FHIP1B: variants seen among roughly 807,000 people sequenced by gnomAD.
The protein encoded by FHIP1B is FHF complex subunit HOOK interacting protein 1B, also known as FHF complex subunit HOOK-interacting protein 1B.
FHIP1B carries 28 observed loss-of-function variants against 82.2 expected under a neutral mutation model. That is an observed-to-expected ratio of 0.34 (90% CI 0.25 to 0.47). FHIP1B has a LOEUF of 0.47. Among genes scored for constraint, FHIP1B ranks in the 20% least tolerant of loss-of-function variants. The probability of loss-of-function intolerance (pLI) is 1.00; values close to 1 mark genes in which losing one functional copy is unlikely to be tolerated. For synonymous variants in FHIP1B, 585 were observed against 516.1 expected (o/e 1.13, Z -1.81); for missense variants, 1,110 against 1,262.6 (o/e 0.88, Z 1.83).
chr11:6,225,400 G>C (rs1481960772), intron 1 of FHIP1B, among the ~76,000 whole-genome samples: 1 of 152,140 alleles, frequency 6.6e-6, no homozygotes, highest in East Asian at 1.9e-4. Flanking sequence ...TCCCCAGATA[G>C]GCCCTGCCTA....
At position 6,218,990 on chromosome 11, in the gene FHIP1B, G is replaced by A; in HGVS notation, c.1252C>T (p.Leu418=). Residue 418 remains leucine (L), a synonymous_variant, in exon 7 of 12, where the codon CTG becomes TTG. Coordinates refer to ENST00000449352, the MANE Select transcript of FHIP1B (RefSeq NM_001098794.2). ...AGATACCTGAGAACCAGCTGCAGCA[G>A]GACATCCTCACAGCTGAGGTTCAGG... The part of the protein sequence containing the change: ...TLLNLSCEDV[L]LQLVLRYLVP... The A allele has an allele frequency of 6.2e-7, 1 of 1,614,024 alleles. No homozygotes were observed. The highest frequency in any genetic ancestry group is 8.5e-7 in the Non-Finnish European group (1 of 1,179,938).
At chr11:6,219,829 C>A (rs536030989) in intron 6 of FHIP1B, among the ~76,000 whole-genome samples, 19 of 152,210 alleles carry the variant, frequency 1.2e-4, no homozygotes, top group Non-Finnish European at 2.8e-4. Context: ...GGGTCTTGGT[C>A]TAGGGCACTA....
Position 6,223,696 on chromosome 11 carries a change from G to A in FHIP1B, c.691C>T (p.Arg231Cys), listed in dbSNP as rs1417370357. Residue 231 changes from arginine to cysteine, a missense_variant, in exon 3 of 12, where the codon CGT (arginine) becomes TGT (cysteine). Around this residue, in one of 6 missense-constraint regions of FHIP1B, gnomAD observed 467 missense variants for 602.9 expected, o/e 0.77. Transcript: ENST00000449352. The surrounding 1 kb of genome is among the most constrained non-coding windows in gnomAD (Gnocchi z 4.8). ...GCCATGAGAAGAAGTAGGGCATCAC[G>A]GGCCTGCTGGCCCAGGGTGCCCTCT... Reference protein sequence around the residue: ...HREGTLGQQARDALLLLMALS... With the variant: ...HREGTLGQQACDALLLLMALS... 6.8e-6 allele frequency: 11 copies of A among 1,614,166 alleles called. No individual in the cohort carries two copies. Among genetic ancestry groups the A allele is most frequent in the South Asian group, 2.2e-5 (2 of 91,088 alleles).
rs763734161 is a variant in FHIP1B, at chr11:6,224,405, T to C, written c.112A>G (p.Met38Val). ...TGGGACCAGTGATTCTTGAAGACCA[T>C]GAGGCAGGTCTCGGGATCAGCCATG... ...PVMADPETCL[M>V]VFKNHWSQVV... is the part of the protein sequence containing the mutation. The change falls in exon 2 of 12, where the codon ATG becomes GTG. Residue 38 changes from methionine (M) to valine (V), a missense_variant. Around this residue, in one of 6 missense-constraint regions of FHIP1B, gnomAD observed 467 missense variants for 602.9 expected, o/e 0.77. Coordinates refer to ENST00000449352, the MANE Select transcript of FHIP1B (RefSeq NM_001098794.2). The C allele has an allele frequency of 9.9e-6, 16 of 1,614,106 alleles. No individual in the cohort carries two copies. The highest frequency in any genetic ancestry group is 4.4e-5 in the South Asian group (4 of 91,082).
At chr11:6,229,326 G>C (rs1847640282) in intron 1 of FHIP1B, among the ~76,000 whole-genome samples, 1 of 152,150 alleles carries the variant, frequency 6.6e-6, no homozygotes, top group Non-Finnish European at 1.5e-5. Context: ...AGTATTGCTA[G>C]TTTTAAAAAT....
intron 6 of FHIP1B, among the ~76,000 whole-genome samples, chr11:6,219,318 C>G (rs1847342967): frequency 6.6e-6 from 1 of 152,192 alleles, no homozygotes; most frequent in Non-Finnish European, 1.5e-5. Flanking sequence ...GCTATATATA[C>G]CTGGTCAGCA....
chr11:6,214,844 G>C lies in FHIP1B; in HGVS notation c.2283C>G (p.Phe761Leu). The change falls in exon 10 of 12, where the codon TTC becomes TTG. Residue 761 changes from phenylalanine (F) to leucine (L), a missense_variant. By Grantham distance (22) the Phe-to-Leu change is conservative (BLOSUM62 0). This residue lies in a region of FHIP1B where 39 missense variants were observed against 79.6 expected (regional missense o/e 0.49). Coordinates refer to ENST00000449352, the MANE Select transcript of FHIP1B (RefSeq NM_001098794.2). ...GCTGGGCCACCAGCCCCGTCAGCAGGAAGTTGACATAGACGGAGTTCTGCA... is the reference window on the plus strand; with the variant it reads ...GCTGGGCCACCAGCCCCGTCAGCAGCAAGTTGACATAGACGGAGTTCTGCA... ...NMLQNSVYVN[F>L]LLTGLVAQLA... The C allele has an allele frequency of 6.2e-7, 1 of 1,612,454 alleles. No individual in the cohort carries two copies. The highest frequency in any genetic ancestry group is 8.5e-7 in the Non-Finnish European group (1 of 1,179,184).
rs1847465262 is a variant in FHIP1B, at chr11:6,223,212, C to T, written c.804G>A (p.Leu268=). ...CAATCTTTCGAGGCAGTGATGAGTACAGGGCACTGAGCCCTGTGGCCAGCA... is the reference window on the plus strand; with the variant it reads ...CAATCTTTCGAGGCAGTGATGAGTATAGGGCACTGAGCCCTGTGGCCAGCA... ...CPVLATGLSA[L]YSSLPRKIEV... is the part of the protein sequence containing the mutation. Residue 268 remains leucine (L), a synonymous_variant, in exon 4 of 12, where the codon CTG becomes CTA. Transcript: ENST00000449352. This position sits in a 1 kb window ranked among gnomAD's most constrained non-coding sequence, Gnocchi z 4.8. The T allele has an allele frequency of 6.3e-7, 1 of 1,596,882 alleles. No individual in the cohort carries two copies. Among genetic ancestry groups the T allele is most frequent in the East Asian group, 2.2e-5 (1 of 44,832 alleles).
intron 6 of FHIP1B, 25 bp downstream of exon 6, chr11:6,222,417 G>A: frequency 6.2e-7 from 1 of 1,612,468 alleles, no homozygotes; most frequent in Admixed American, 1.7e-5. Flanking sequence ...ATCCAGGTAA[G>A]CTAGGACAGG....
chr11:6,224,501 A>C lies in FHIP1B; in HGVS notation c.16T>G (p.Trp6Gly), dbSNP rs761545739. 1.3e-4 allele frequency: 202 copies of C among 1,612,762 alleles called. 4 individuals are homozygous for C. The South Asian group carries it at 1.6e-3, about 13-fold the overall frequency. Residue 6 changes from tryptophan to glycine, a missense_variant, in exon 2 of 12, where the codon TGG becomes GGG. This residue lies in a region of FHIP1B where 467 missense variants were observed against 602.9 expected (regional missense o/e 0.77). Coordinates refer to ENST00000449352, the MANE Select transcript of FHIP1B (RefSeq NM_001098794.2). Reference sequence around the variant, plus strand: ...CCCCGGGAGGCCAGTCTGCTCAGCCAATTCATCCTCTCCATGAGGCAGGCT... The same window carrying C: ...CCCCGGGAGGCCAGTCTGCTCAGCCCATTCATCCTCTCCATGAGGCAGGCT... MERMN[W>G]LSRLASRGPG...
chr11:6,216,915 G>T (rs1847243157), intron 9 of FHIP1B: 2 of 605,604 alleles, frequency 3.3e-6, no homozygotes, highest in Admixed American at 2.9e-5. Flanking sequence ...GGCCCCAGGA[G>T]AGCTGACAGA....
chr11:6,215,032 G>C (rs1847187453), intron 9 of FHIP1B, 121 bp from the exon 10 acceptor site: 1 of 1,012,882 alleles, frequency 9.9e-7, no homozygotes, highest in Non-Finnish European at 1.4e-6. Flanking sequence ...TCAGCCTCTG[G>C]GTATGTTTAA....
At chr11:6,226,813 C>CA (rs1197943886) in intron 1 of FHIP1B, among the ~76,000 whole-genome samples, 4 of 152,060 alleles carry the variant, frequency 2.6e-5, no homozygotes, top group African/African-American at 9.7e-5. Flanking sequence ...GGTTTTTAAA[C>CA]AAGAAAATGG....
Position 6,212,411 on chromosome 11 carries a change from CA to C in FHIP1B, c.2558-545del, listed in dbSNP as rs561524220. Among the ~76,000 whole-genome samples, 10 of 152,338 alleles carry C rather than the reference CA, an allele frequency of 6.6e-5. No individual in the cohort carries two copies. The South Asian group carries it at 2.1e-3, about 32-fold the overall frequency. ...ACATCCTCTGCTCCTACAATATCCA[CA>C]GGGGCTATATATGCAATTATAGTTC... On this transcript the variant is annotated intron_variant, in intron 11 of 11. Coordinates refer to ENST00000449352, the MANE Select transcript of FHIP1B (RefSeq NM_001098794.2).
chr11:6,214,941 T>C (rs1178383596), intron 9 of FHIP1B, 30 bp from the exon 10 acceptor site: 1 of 1,522,324 alleles, frequency 6.6e-7, no homozygotes, highest in East Asian at 2.3e-5. Flanking sequence ...GGCACAAGGA[T>C]ACAAAGCCTG....
chr11:6,218,872 A>C, intron 7 of FHIP1B, 99 bp downstream of exon 7: 1 of 1,564,946 alleles, frequency 6.4e-7, no homozygotes, highest in Admixed American at 1.7e-5. Flanking sequence ...CTCCAAGTGG[A>C]AACTCATGAG....
At chr11:6,226,756 T>C (rs901973420) in intron 1 of FHIP1B, among the ~76,000 whole-genome samples, 1 of 152,246 alleles carries the variant, frequency 6.6e-6, no homozygotes, top group Non-Finnish European at 1.5e-5. Flanking sequence ...CTAAATATTA[T>C]GCTAAGGAGT....
chr11:6,224,765 G>A (rs1847517214), intron 1 of FHIP1B, 58 bp from the exon 2 acceptor site: 1 of 499,704 alleles, frequency 2.0e-6, no homozygotes, highest in Admixed American at 3.8e-5. Context: ...CCAGAACTCA[G>A]AACCACCACT....
At position 6,211,950 on chromosome 11, in the gene FHIP1B, A is replaced by G; in HGVS notation, c.2558-83T>C. The G allele has an allele frequency of 2.7e-6, 4 of 1,478,894 alleles. No individual in the cohort carries two copies. In the South Asian group the frequency reaches 5.7e-5, roughly 21 times the overall value. 91.6% of individuals were successfully genotyped at this position (1,478,894 alleles called of 1,614,324 possible). On this transcript the variant is annotated intron_variant, in intron 11 of 11. Coordinates refer to ENST00000449352, the MANE Select transcript of FHIP1B (RefSeq NM_001098794.2). ...GAGAGGGGAGATTCCCCCACCCCCT[A>G]GGTTCTTGGACTTCTCCTTTAGGGT...
Sources: allele counts gnomAD v4.1 joint callset (sites outside exome capture counted in the v4.1 genomes callset), GRCh38; gene constraint gnomAD v4.1.1; regional missense constraint gnomAD v4.1.1; non-coding constraint Gnocchi (gnomAD v3.1); transcripts MANE v1.5; gene names NCBI Gene and HGNC (gene_info 2026-07-23, HGNC 2026-07-21).